CREBL2: variants seen among roughly 807,000 people sequenced by gnomAD.
CREBL2 encodes cAMP responsive element binding protein like 2, also known as cAMP-responsive element-binding protein-like 2.
Under a neutral mutation model 19.5 loss-of-function variants are expected in CREBL2, and 4 were observed. That is an observed-to-expected ratio of 0.20 (90% CI 0.10 to 0.47). The LOEUF (loss-of-function observed/expected upper bound fraction) is 0.47, where lower values mean the gene tolerates loss of function less well. Among genes scored for constraint, CREBL2 ranks in the 20% least tolerant of loss-of-function variants. CREBL2 has a pLI of 0.98. For missense variants in CREBL2, 85 were observed against 145.1 expected (o/e 0.59, Z 2.13); for synonymous variants, 42 against 46.6 (o/e 0.90, Z 0.40).
chr12:12,633,191 C>G (rs1945453221), intron 1 of CREBL2, among the ~76,000 whole-genome samples: 1 of 152,144 alleles, frequency 6.6e-6, no homozygotes, highest in Non-Finnish European at 1.5e-5. Flanking sequence ...CCTGCCTCAG[C>G]CTCCCAAAGT....
rs1024822060 is a variant in CREBL2 at position 12,644,098 on chromosome 12, C to T, written c.*2100C>T. On this transcript the variant is annotated 3_prime_UTR_variant, in exon 4 of 4. Transcript: ENST00000228865. ...TTACAGAGTCATTTGAGCTTTCTCC[C>T]CTCCCGCTAGTATCTTTACAGGAGC... The T allele has an allele frequency of 2.0e-5, 3 of 152,596 alleles. No homozygotes were observed. The highest frequency in any genetic ancestry group is 7.2e-5 in the African/African-American group (3 of 41,412). 9.5% of individuals were successfully genotyped at this position (152,596 alleles called of 1,614,324 possible). A position where few individuals can be genotyped will look rare whatever the true frequency, so the allele number is the denominator to read the frequency against.
chr12:12,639,570 T>G (rs1213593517), intron 3 of CREBL2, among the ~76,000 whole-genome samples: 1 of 152,346 alleles, frequency 6.6e-6, no homozygotes, highest in South Asian at 2.1e-4. Context: ...TTTTCTATGC[T>G]TGTTGGCCAT....
chr12:12,626,327 G>A (rs867364277), intron 1 of CREBL2, among the ~76,000 whole-genome samples: 3 of 152,028 alleles, frequency 2.0e-5, no homozygotes, highest in Admixed American at 6.5e-5. Flanking sequence ...TTTGTCTTTC[G>A]CTGTAATGGT....
intron 1 of CREBL2, among the ~76,000 whole-genome samples, chr12:12,635,317 C>T (rs1051310407): frequency 6.7e-6 from 1 of 150,226 alleles, no homozygotes; most frequent in Admixed American, 6.7e-5. Flanking sequence ...TGCAGTTAAC[C>T]ATGATTGTAC....
Position 12,643,971 on chromosome 12 carries a change from A to G in CREBL2, c.*1973A>G, listed in dbSNP as rs1393711816. ...TGTTCAGTACCTTTTGAATTCCCCC[A>G]GAAGAGTTGTTTTCAAAACAAACAT... On this transcript the variant is annotated 3_prime_UTR_variant, in exon 4 of 4. Transcript: ENST00000228865. 2.0e-5 allele frequency: 3 copies of G among 152,618 alleles called. No individual in the cohort carries two copies. 9.5% of individuals were successfully genotyped at this position (152,618 alleles called of 1,614,324 possible).
At chr12:12,626,869 C>CT (rs1234335291) in intron 1 of CREBL2, among the ~76,000 whole-genome samples, 2 of 134,992 alleles carry the variant, frequency 1.5e-5, no homozygotes, top group East Asian at 4.2e-4. Flanking sequence ...GGCCCTGTTT[C>CT]TTAAAAAAAA....
intron 2 of CREBL2, 85 bp from the exon 3 acceptor site, chr12:12,637,485 C>G: frequency 1.1e-6 from 1 of 898,236 alleles, no homozygotes; most frequent in Non-Finnish European, 1.4e-6. Flanking sequence ...GGATTTCTAC[C>G]AGTGGTTCCT....
intron 1 of CREBL2, among the ~76,000 whole-genome samples, chr12:12,616,777 ACT>A (rs746922356): frequency 7.9e-5 from 12 of 152,038 alleles, no homozygotes; most frequent in Non-Finnish European, 1.3e-4. Flanking sequence ...TATGAGTCAC[ACT>A]CTCTCGTCCC....
chr12:12,638,915 AC>A (rs1458601760), intron 3 of CREBL2, among the ~76,000 whole-genome samples: 3 of 152,174 alleles, frequency 2.0e-5, no homozygotes, highest in African/African-American at 7.2e-5. Flanking sequence ...TAGTTATGAA[AC>A]TTTTAATCAC....
At chr12:12,622,318 A>C (rs1023227456) in intron 1 of CREBL2, among the ~76,000 whole-genome samples, 2 of 152,244 alleles carry the variant, frequency 1.3e-5, no homozygotes, top group African/African-American at 4.8e-5. Context: ...TGCGGCGTGC[A>C]TAAAATTCTG....
intron 3 of CREBL2, among the ~76,000 whole-genome samples, chr12:12,639,540 GC>G (rs1421359155): frequency 1.3e-5 from 2 of 152,150 alleles, no homozygotes; most frequent in Non-Finnish European, 2.9e-5. Flanking sequence ...TTTCCCTAAT[GC>G]CTAATGATGC....
intron 1 of CREBL2, among the ~76,000 whole-genome samples, chr12:12,630,932 TTTTG>T (rs1378877237): frequency 6.6e-6 from 1 of 152,244 alleles, no homozygotes; most frequent in African/African-American, 2.4e-5. Context: ...TAAGAATGTC[TTTTG>T]TTTTTTAACT....
chr12:12,612,663 C>T (rs1185307834), intron 1 of CREBL2, among the ~76,000 whole-genome samples: 2 of 152,068 alleles, frequency 1.3e-5, no homozygotes, highest in Non-Finnish European at 2.9e-5. Flanking sequence ...GTTGGAACAC[C>T]GCTAAGCTCC....
At chr12:12,621,011 A>G (rs1945354634) in intron 1 of CREBL2, among the ~76,000 whole-genome samples, 1 of 152,250 alleles carries the variant, frequency 6.6e-6, no homozygotes. Flanking sequence ...AGTCCCCTCC[A>G]AAACAGGAAA....
chr12:12,632,297 T>G (rs985286330), intron 1 of CREBL2, among the ~76,000 whole-genome samples: 2 of 151,812 alleles, frequency 1.3e-5, no homozygotes, highest in African/African-American at 4.8e-5. Context: ...CAGGATGGTC[T>G]CGATCTCCTG....
At chr12:12,621,452 A>C (rs1210060313) in intron 1 of CREBL2, among the ~76,000 whole-genome samples, 2 of 144,664 alleles carry the variant, frequency 1.4e-5, no homozygotes, top group Non-Finnish European at 3.0e-5. Context: ...TGGGAGGCAG[A>C]GGCTGTGGTG....
chr12:12,620,242 CTT>C (rs67066272), intron 1 of CREBL2, among the ~76,000 whole-genome samples: 3 of 148,110 alleles, frequency 2.0e-5, no homozygotes, highest in Non-Finnish European at 1.5e-5. Flanking sequence ...TTTTCTTTTT[CTT>C]TTTTTTTTTG....
At position 12,644,145 on chromosome 12, in the gene CREBL2, T is replaced by C. The variant is rs1945546784; in HGVS notation, c.*2147T>C. On this transcript the variant is annotated 3_prime_UTR_variant, in exon 4 of 4. Transcript: ENST00000228865. ...GAGCAGGGAAGAGCAGTAGAGGATG[T>C]ATAATTTTGGGCGAAGTTAAATTAC... 6.6e-6 allele frequency: 1 copy of C among 152,592 alleles called. No individual in the cohort carries two copies. Among genetic ancestry groups the C allele is most frequent in the Non-Finnish European group, 1.5e-5 (1 of 68,044 alleles). The allele number at this position is 152,592 out of a possible 1,614,324, so 9.5% of individuals were successfully genotyped here.
At chr12:12,628,272 T>A (rs1036136955) in intron 1 of CREBL2, among the ~76,000 whole-genome samples, 2 of 152,240 alleles carry the variant, frequency 1.3e-5, no homozygotes, top group African/African-American at 4.8e-5. Context: ...CTAATGATGT[T>A]GAGTATTTTT....
Sources: allele counts gnomAD v4.1 joint callset (sites outside exome capture counted in the v4.1 genomes callset), GRCh38; gene constraint gnomAD v4.1.1; transcripts MANE v1.5; gene names NCBI Gene and HGNC (gene_info 2026-07-23, HGNC 2026-07-21).